PAX8: variants seen among roughly 807,000 people sequenced by gnomAD.
PAX8 encodes the protein paired box protein Pax-8.
Under a neutral mutation model 52.4 loss-of-function variants are expected in PAX8, and 15 were observed. The ratio of observed to expected loss-of-function variants is 0.29; its 90% CI spans 0.19 to 0.44. The LOEUF is 0.44. PAX8 is among the 20% of genes least tolerant of loss of function. The pLI is 1.00. For synonymous variants in PAX8, 284 were observed against 249.7 expected (o/e 1.14, Z -1.29); for missense variants, 554 against 602.5 (o/e 0.92, Z 0.84).
chr2:113,241,533 C>A lies in PAX8; in HGVS notation c.777+18G>T. On this transcript the variant is annotated intron_variant, in intron 7 of 11. Transcript: ENST00000429538. ...GCCCTTGCCCACCCTGTTCACCTCC[C>A]AGGGCCCAGCTTCTCACCTGCTCGC... 1 of 1,593,308 alleles carries A rather than the reference C, an allele frequency of 6.3e-7. No individual in the cohort carries two copies. The highest frequency in any genetic ancestry group is 1.1e-5 in the South Asian group (1 of 88,840).
intron 2 of PAX8, among the ~76,000 whole-genome samples, chr2:113,250,192 G>A (rs1007933526): frequency 1.4e-5 from 2 of 148,040 alleles, no homozygotes; most frequent in Non-Finnish European, 3.0e-5. Context: ...GCATGAACCC[G>A]CAAGGCAGAG....
chr2:113,278,730 T>C, intron 1 of PAX8, 101 bp downstream of exon 1: 1 of 626,202 alleles, frequency 1.6e-6, no homozygotes, highest in Non-Finnish European at 2.3e-6. Context: ...CCCGTTTAAC[T>C]TGGGAGGGAA....
intron 7 of PAX8, chr2:113,241,349 G>A (rs1690820989): frequency 1.5e-6 from 1 of 665,406 alleles, no homozygotes; most frequent in African/African-American, 1.8e-5. Flanking sequence ...GGTGAAGGAA[G>A]CCAGGAGGGT....
At chr2:113,241,884 G>T in intron 6 of PAX8, 124 bp downstream of exon 6, 2 of 1,438,208 alleles carry the variant, frequency 1.4e-6, no homozygotes. Context: ...GACAGGACAT[G>T]TGACAGTCAC....
chr2:113,277,684 G>A (rs1693920036), intron 2 of PAX8, among the ~76,000 whole-genome samples: 1 of 152,200 alleles, frequency 6.6e-6, no homozygotes, highest in Non-Finnish European at 1.5e-5. Context: ...CGGGAAGGGG[G>A]AAAACAGGCA....
At position 113,251,540 on chromosome 2, in the gene PAX8, C is replaced by T. The variant is rs573911227; in HGVS notation, c.26-4621G>A. On this transcript the variant is annotated intron_variant, in intron 2 of 11. Coordinates refer to ENST00000429538, the MANE Select transcript of PAX8 (RefSeq NM_003466.4). ...GGTTCCTGAGTGAAAGGTACTCAGA[C>T]GGGAAATGCAAGCTTTCCTGGGGTC... Among the ~76,000 whole-genome samples the T allele has an allele frequency of 5.9e-5, 9 of 152,208 alleles. No individual in the cohort carries two copies. In the South Asian group the frequency reaches 8.3e-4, roughly 14 times the overall value.
intron 6 of PAX8, 114 bp downstream of exon 6, chr2:113,241,894 C>A: frequency 5.5e-6 from 8 of 1,456,402 alleles, no homozygotes; most frequent in Non-Finnish European, 7.6e-6. Flanking sequence ...GTGACAGTCA[C>A]ATGCAGAGCC....
chr2:113,221,760 C>G (rs1173931810), intron 10 of PAX8, among the ~76,000 whole-genome samples: 1 of 152,032 alleles, frequency 6.6e-6, no homozygotes, highest in Non-Finnish European at 1.5e-5. Context: ...TATTGCCAGA[C>G]AAGTAGGCAT....
chr2:113,278,237 C>T, intron 2 of PAX8, 133 bp downstream of exon 2: 1 of 705,316 alleles, frequency 1.4e-6, no homozygotes, highest in South Asian at 1.9e-5. Context: ...GCCCCAGGCG[C>T]CCCAGCTGGG....
intron 7 of PAX8, chr2:113,240,589 T>G (rs1690734210): frequency 6.6e-6 from 1 of 152,256 alleles, no homozygotes; most frequent in Non-Finnish European, 1.5e-5. Context: ...CTGCAGAGTC[T>G]TTGTTGGCCT....
intron 10 of PAX8, among the ~76,000 whole-genome samples, chr2:113,221,146 A>G (rs572700924): frequency 6.6e-6 from 1 of 152,322 alleles, no homozygotes; most frequent in South Asian, 2.1e-4. Context: ...CAGCATGATT[A>G]AGCAGTTTGC....
chr2:113,244,469 A>T lies in PAX8; in HGVS notation c.347T>A (p.Val116Asp). 1.3e-5 allele frequency: 21 copies of T among 1,614,070 alleles called. No homozygotes were observed. The highest frequency in any genetic ancestry group is 1.8e-5 in the Non-Finnish European group (21 of 1,179,966). Reference protein sequence around the residue: ...EIRDRLLAEGVCDNDTVPSVS... With the variant: ...EIRDRLLAEGDCDNDTVPSVS... ...ACTGGGCACAGTGTCATTGTCACAG[A>T]CGCCCTCAGCCAGGAGCCGGTCTCG... Residue 116 changes from valine to aspartate, a missense_variant, in exon 4 of 12, where the codon GTC becomes GAC. Transcript: ENST00000429538.
At chr2:113,275,797 G>T (rs1363745837) in intron 2 of PAX8, 1 of 152,194 alleles carries the variant, frequency 6.6e-6, no homozygotes, top group Non-Finnish European at 1.5e-5. Flanking sequence ...TTTAAGGAAC[G>T]TTCAGCCCAT....
Position 113,241,734 on chromosome 2 carries a change from C to T in PAX8, c.602-8G>A, listed in dbSNP as rs1331095320. On this transcript the variant is annotated splice_region_variant and splice_polypyrimidine_tract_variant and intron_variant, in intron 6 of 11. Transcript: ENST00000429538. ...GGCAGCTATCCTGATCACCTGGTACCCCCCGGGAAGGAAGAAAGCTTTTAG... is the reference window on the plus strand; with the variant it reads ...GGCAGCTATCCTGATCACCTGGTACTCCCCGGGAAGGAAGAAAGCTTTTAG... The T allele has an allele frequency of 6.2e-7, 1 of 1,613,842 alleles. No homozygotes were observed. The highest frequency in any genetic ancestry group is 2.2e-5 in the East Asian group (1 of 44,882).
chr2:113,277,083 C>G (rs1374162), intron 2 of PAX8, among the ~76,000 whole-genome samples: 74,991 of 152,186 alleles, frequency 0.49, 19,041 homozygotes, highest in African/African-American at 0.61. Context: ...CCCAGGGCTC[C>G]CCAACCCCGC....
At chr2:113,242,640 G>C in intron 5 of PAX8, 50 bp downstream of exon 5, 1 of 1,226,700 alleles carries the variant, frequency 8.2e-7, no homozygotes, top group Non-Finnish European at 1.2e-6. Context: ...GTATGCTGAA[G>C]GGGAGGTGTA....
At chr2:113,222,083 G>A (rs1218930589) in intron 10 of PAX8, among the ~76,000 whole-genome samples, 2 of 152,202 alleles carry the variant, frequency 1.3e-5, no homozygotes, top group African/African-American at 2.4e-5. Context: ...ACATAGGGAA[G>A]TAAAGACATT....
At chr2:113,236,749 A>G (rs1222696012) in intron 7 of PAX8, 28 bp from the exon 8 acceptor site, 3 of 1,546,208 alleles carry the variant, frequency 1.9e-6, no homozygotes, top group Non-Finnish European at 2.6e-6. Flanking sequence ...GTCAGCGCAC[A>G]GAGACGATCC....
chr2:113,229,442 C>T (rs1165548581), intron 9 of PAX8, among the ~76,000 whole-genome samples: 1 of 152,210 alleles, frequency 6.6e-6, no homozygotes, highest in Non-Finnish European at 1.5e-5. Flanking sequence ...AAAGAGCCAT[C>T]AGTGTTCATT....
Sources: gnomAD v4.1 joint callset for allele counts (sites outside exome capture counted in the v4.1 genomes callset) on GRCh38, gnomAD v4.1.1 for gene constraint, MANE v1.5 for transcripts, NCBI Gene and HGNC (gene_info 2026-07-23, HGNC 2026-07-21) for gene names.